RABGAP1L: variants seen among roughly 807,000 people sequenced by gnomAD.
The protein encoded by RABGAP1L is RAB GTPase activating protein 1 like.
RABGAP1L carries 63 observed loss-of-function variants against 137.7 expected under a neutral mutation model. The ratio of observed to expected loss-of-function variants is 0.46; its 90% CI spans 0.37 to 0.56. The LOEUF (loss-of-function observed/expected upper bound fraction) is 0.56, where lower values mean the gene tolerates loss of function less well. RABGAP1L is among the 20% of genes least tolerant of loss of function. RABGAP1L has a pLI of 0.00. For synonymous variants in RABGAP1L, 431 were observed against 433.7 expected (o/e 0.99, Z 0.08); for missense variants, 1,095 against 1,244.0 (o/e 0.88, Z 1.80).
chr1:174,274,571 T>G (rs1003080894), intron 8 of RABGAP1L, among the ~76,000 whole-genome samples: 4 of 151,252 alleles, frequency 2.6e-5, no homozygotes, highest in Non-Finnish European at 5.9e-5. Flanking sequence ...ACACATAACT[T>G]AGAACATAAC....
intron 11 of RABGAP1L, chr1:174,367,751 A>G: frequency 5.1e-6 from 1 of 197,112 alleles, no homozygotes; most frequent in Non-Finnish European, 1.1e-5. Flanking sequence ...CTGCAAGTCC[A>G]GTGATTATCC....
At chr1:174,983,821 G>A (rs1055799290) in intron 24 of RABGAP1L, among the ~76,000 whole-genome samples, 30 of 152,212 alleles carry the variant, frequency 2.0e-4, no homozygotes, top group Admixed American at 1.7e-3. Context: ...TCTTACTCAT[G>A]TTACAAAATG....
intron 11 of RABGAP1L, among the ~76,000 whole-genome samples, chr1:174,365,632 T>C (rs1457316550): frequency 6.6e-6 from 1 of 152,158 alleles, no homozygotes; most frequent in Non-Finnish European, 1.5e-5. Context: ...GAATTCAATG[T>C]GAAGTCCCCC....
At chr1:174,962,196 A>AACCCCCC (rs1669189616) in intron 20 of RABGAP1L, among the ~76,000 whole-genome samples, 5 of 77,840 alleles carry the variant, frequency 6.4e-5, no homozygotes, top group African/African-American at 7.5e-5. Flanking sequence ...ATAAAAATAC[A>AACCCCCC]CCCCCCCCCC....
chr1:174,447,897 C>A (rs1417396153), intron 13 of RABGAP1L, among the ~76,000 whole-genome samples: 1 of 124,464 alleles, frequency 8.0e-6, no homozygotes, highest in South Asian at 3.7e-4. Context: ...ACCGCCCCCC[C>A]CCCACCCCCC....
In RABGAP1L at chr1:174,553,755, C is replaced by T. The variant is rs565235524; in HGVS notation, c.1711-83620C>T. Among the ~76,000 whole-genome samples, 7 of 152,288 alleles carry T rather than the reference C, an allele frequency of 4.6e-5. 1 individual carries two copies. The South Asian group carries it at 1.2e-3, about 27-fold the overall frequency. On this transcript the variant is annotated intron_variant, in intron 13 of 25. Transcript: ENST00000681986. ...GTGGCTGATGCCTGTAATTCCAACACTTAGGAAGGCAGAGGCAGGCAGATT... is the reference window on the plus strand; with the variant it reads ...GTGGCTGATGCCTGTAATTCCAACATTTAGGAAGGCAGAGGCAGGCAGATT...
chr1:174,491,109 A>G lies in RABGAP1L; in HGVS notation c.1710+96964A>G, dbSNP rs1000155216. Among the ~76,000 whole-genome samples the G allele has an allele frequency of 7.2e-5, 11 of 152,094 alleles. 1 individual carries two copies. Among genetic ancestry groups the G allele is most frequent in the Non-Finnish European group, 4.4e-5 (3 of 68,026 alleles). On this transcript the variant is annotated intron_variant, in intron 13 of 25. Transcript: ENST00000681986. ...TAAGATGCAAGACAAAGTCCTGTTT[A>G]CTTTTTCCTCTGCTTTCTTCGAGTA...
At position 174,384,059 on chromosome 1, in the gene RABGAP1L, A is replaced by C. The variant is rs575087867; in HGVS notation, c.1560-9936A>C. ...CCGTCAAAAGTAAATGGATCAACCA[A>C]CTGTGGTATATTCATTGTATGGAAT... On this transcript the variant is annotated intron_variant, in intron 12 of 25. Coordinates refer to ENST00000681986, the MANE Select transcript of RABGAP1L (RefSeq NM_001366446.1). 1.2e-4 allele frequency among the ~76,000 whole-genome samples: 19 copies of C among 152,352 alleles called. No homozygotes were observed. The East Asian group carries it at 3.3e-3, about 26-fold the overall frequency.
chr1:174,878,003 G>T (rs1229924918), intron 19 of RABGAP1L, among the ~76,000 whole-genome samples: 8 of 152,076 alleles, frequency 5.3e-5, no homozygotes, highest in Admixed American at 3.9e-4. Context: ...AACTTTCAGG[G>T]TCTTAAATTA....
At chr1:174,799,578 T>C (rs1486216582) in intron 18 of RABGAP1L, among the ~76,000 whole-genome samples, 1 of 152,122 alleles carries the variant, frequency 6.6e-6, no homozygotes, top group Non-Finnish European at 1.5e-5. Flanking sequence ...CAGCATAAGC[T>C]GTCAGACTAA....
At chr1:174,831,838 A>C (rs543088225) in intron 19 of RABGAP1L, among the ~76,000 whole-genome samples, 3 of 148,460 alleles carry the variant, frequency 2.0e-5, no homozygotes, top group Admixed American at 2.0e-4. Context: ...CTAGTGACTT[A>C]ACTTTAGATT....
At chr1:174,430,240 G>T (rs1253778765) in intron 13 of RABGAP1L, among the ~76,000 whole-genome samples, 10 of 151,866 alleles carry the variant, frequency 6.6e-5, no homozygotes, top group Non-Finnish European at 1.2e-4. Flanking sequence ...AAATTAGCCG[G>T]GTGTGGTGGT....
At chr1:174,460,090 G>A (rs562469345) in intron 13 of RABGAP1L, among the ~76,000 whole-genome samples, 2 of 151,860 alleles carry the variant, frequency 1.3e-5, no homozygotes, top group East Asian at 1.9e-4. Flanking sequence ...TTGTTTCCAC[G>A]TTTTTATATA....
intron 13 of RABGAP1L, among the ~76,000 whole-genome samples, chr1:174,519,727 G>A (rs1558303873): frequency 6.6e-6 from 1 of 152,208 alleles, no homozygotes; most frequent in African/African-American, 2.4e-5. Context: ...CATCTATTGA[G>A]TCTCTTGCTA....
chr1:174,703,877 A>C lies in RABGAP1L; in HGVS notation c.2169+1621A>C, dbSNP rs535443688. Reference sequence around the variant, plus strand: ...TCATATGCTCATTGGCCATTTGTATATCTTCTTTTGAAAAATGTCTGTTTA... The same window carrying C: ...TCATATGCTCATTGGCCATTTGTATCTCTTCTTTTGAAAAATGTCTGTTTA... On this transcript the variant is annotated intron_variant, in intron 17 of 25. Transcript: ENST00000681986. 7.2e-5 allele frequency among the ~76,000 whole-genome samples: 11 copies of C among 152,298 alleles called. No individual in the cohort carries two copies. The South Asian group carries it at 2.3e-3, about 32-fold the overall frequency.
chr1:174,609,776 A>G (rs1671054372), intron 13 of RABGAP1L, among the ~76,000 whole-genome samples: 1 of 152,186 alleles, frequency 6.6e-6, no homozygotes, highest in Admixed American at 6.5e-5. Context: ...TGTCACTTTA[A>G]TAAGAGTGAT....
At chr1:174,343,172 A>G (rs1422260707) in intron 11 of RABGAP1L, among the ~76,000 whole-genome samples, 1 of 152,204 alleles carries the variant, frequency 6.6e-6, no homozygotes. Flanking sequence ...TTAATTGCAC[A>G]GTATTCTGTG....
intron 17 of RABGAP1L, among the ~76,000 whole-genome samples, chr1:174,735,794 T>C (rs1682894650): frequency 6.6e-6 from 1 of 152,032 alleles, no homozygotes; most frequent in Non-Finnish European, 1.5e-5. Context: ...CAGCATATTA[T>C]ATGGCAAGGG....
At chr1:174,429,660 A>G (rs949152682) in intron 13 of RABGAP1L, among the ~76,000 whole-genome samples, 1 of 151,996 alleles carries the variant, frequency 6.6e-6, no homozygotes, top group African/African-American at 2.4e-5. Context: ...AATCGCCTCA[A>G]CCCGGGAGGC....
Sources: gnomAD v4.1 joint callset for allele counts (sites outside exome capture counted in the v4.1 genomes callset) on GRCh38, gnomAD v4.1.1 for gene constraint, MANE v1.5 for transcripts, NCBI Gene and HGNC (gene_info 2026-07-23, HGNC 2026-07-21) for gene names.